TPMT: variants seen among roughly 807,000 people sequenced by gnomAD.
TPMT encodes the protein S-adenosyl-L-methionine:thiopurine S-methyltransferase.
TPMT carries 18 observed loss-of-function variants against 34.2 expected under a neutral mutation model. The observed-to-expected ratio is 0.53, with a 90% confidence interval of 0.36 to 0.78. The LOEUF (loss-of-function observed/expected upper bound fraction) is 0.78. Ranked by LOEUF, TPMT falls within the 30% of genes least tolerant of loss-of-function variation. The pLI is 0.00. For synonymous variants in TPMT, 69 were observed against 92.4 expected (o/e 0.75, Z 1.45); for missense variants, 265 against 288.1 (o/e 0.92, Z 0.58).
At chr6:18,142,941 G>A (rs899972835) in intron 4 of TPMT, among the ~76,000 whole-genome samples, 8 of 152,026 alleles carry the variant, frequency 5.3e-5, no homozygotes, top group African/African-American at 9.7e-5. Context: ...GATTCATGAT[G>A]TCTTTCCTGG....
Position 18,143,526 on chromosome 6 carries a change from C to G in TPMT, c.366+70G>C. On this transcript the variant is annotated intron_variant, in intron 4 of 8. Coordinates refer to ENST00000309983, the MANE Select transcript of TPMT (RefSeq NM_000367.5). The surrounding 1 kb of genome is among the most constrained non-coding windows in gnomAD (Gnocchi z 6.1). ...CCATCGGACACATGAATGGTATCCT[C>G]ATAATACTCACACTGAGAAAAACTT... 1 of 1,588,464 alleles carries G rather than the reference C, an allele frequency of 6.3e-7. No homozygotes were observed. Among genetic ancestry groups the G allele is most frequent in the East Asian group, 2.2e-5 (1 of 44,628 alleles).
chr6:18,149,471 GT>G lies in TPMT; in HGVS notation c.-44-301del, dbSNP rs538361641. ...ATGCCCAGCTAATCTTTCTTTCCTT[GT>G]TTTTTTTTTTTTCAGAGACAAGGTC... On this transcript the variant is annotated intron_variant, in intron 1 of 8. Coordinates refer to ENST00000309983, the MANE Select transcript of TPMT (RefSeq NM_000367.5). This position sits in a 1 kb window ranked among gnomAD's most constrained non-coding sequence, Gnocchi z 5.0. Among the ~76,000 whole-genome samples, 55 of 140,318 alleles carry G rather than the reference GT, an allele frequency of 3.9e-4. No homozygotes were observed. Among genetic ancestry groups the G allele is most frequent in the Non-Finnish European group, 4.7e-4 (30 of 64,158 alleles). 92.1% of individuals were successfully genotyped at this position (140,318 alleles called of 152,430 possible). A position where few individuals can be genotyped will look rare whatever the true frequency, so the allele number is the denominator to read the frequency against.
At position 18,138,007 on chromosome 6, in the gene TPMT, T is replaced by C. The variant is rs6929695; in HGVS notation, c.494+956A>G. Among the ~76,000 whole-genome samples, 117,645 of 151,946 alleles carry C rather than the reference T, an allele frequency of 0.77. 45,611 individuals are homozygous for C. The highest frequency in any genetic ancestry group is 0.8 in the East Asian group (4,107 of 5,124). ...GTTGGCCAGGCTGGTCTCGAACTCC[T>C]GACCTCAGGCGATCCGCCCACCTTG... On this transcript the variant is annotated intron_variant, in intron 6 of 8. Transcript: ENST00000309983. The surrounding 1 kb of genome is among the most constrained non-coding windows in gnomAD (Gnocchi z 4.1).
intron 6 of TPMT, 151 bp from the exon 7 acceptor site, chr6:18,134,040 TA>T (rs1223043622): frequency 2.5e-5 from 17 of 686,748 alleles, no homozygotes; most frequent in Middle Eastern, 8.0e-4. Flanking sequence ...ATTCTCATTT[TA>T]AAAGTGAGAA....
At position 18,154,346 on chromosome 6, in the gene TPMT, G is replaced by T. The variant is rs1784430836; in HGVS notation, c.-45+687C>A. Among the ~76,000 whole-genome samples, 1 of 152,144 alleles carries T rather than the reference G, an allele frequency of 6.6e-6. No individual in the cohort carries two copies. The highest frequency in any genetic ancestry group is 1.5e-5 in the Non-Finnish European group (1 of 68,026). On this transcript the variant is annotated intron_variant, in intron 1 of 8. Transcript: ENST00000309983. This position sits in a 1 kb window ranked among gnomAD's most constrained non-coding sequence, Gnocchi z 4.2. ...AGTCTCCATTCTCACCTTTTCAAAAGCTTCTGCTATAGTTTTGTTTTTAAA... is the reference window on the plus strand; with the variant it reads ...AGTCTCCATTCTCACCTTTTCAAAATCTTCTGCTATAGTTTTGTTTTTAAA...
rs1784301907 is a variant in TPMT at position 18,149,097 on chromosome 6, C to T, written c.31G>A (p.Glu11Lys). 6.2e-7 allele frequency: 1 copy of T among 1,614,106 alleles called. No homozygotes were observed. Among genetic ancestry groups the T allele is most frequent in the African/African-American group, 1.3e-5 (1 of 75,032 alleles). Residue 11 changes from glutamate to lysine, a missense_variant, in exon 2 of 9, where the codon GAA becomes AAA. Glu to Lys is a moderately conservative substitution (Grantham distance 56). Coordinates refer to ENST00000309983, the MANE Select transcript of TPMT (RefSeq NM_000367.5). This position sits in a 1 kb window ranked among gnomAD's most constrained non-coding sequence, Gnocchi z 5.0. Reference protein sequence around the residue: MDGTRTSLDIEEYSDTEVQKN... With the variant: MDGTRTSLDIKEYSDTEVQKN... ...TGTACCTCAGTATCCGAGTACTCTT[C>T]AATGTCAAGTGAAGTTCTTGTACCA...
rs114125544 is a variant in TPMT, at chr6:18,132,068, C to T, written c.625+65G>A. 2.1e-5 allele frequency: 33 copies of T among 1,566,920 alleles called. No homozygotes were observed. Among genetic ancestry groups the T allele is most frequent in the South Asian group, 7.8e-5 (7 of 90,094 alleles). On this transcript the variant is annotated intron_variant, in intron 8 of 8. Transcript: ENST00000309983. The surrounding 1 kb of genome is among the most constrained non-coding windows in gnomAD (Gnocchi z 4.8). ...CTGGAAATACAGGCATGAGCCAGCA[C>T]GCCAGGCCCAAAAGAGTTAACTTGA...
At chr6:18,151,397 G>C (rs1784351423) in intron 1 of TPMT, among the ~76,000 whole-genome samples, 2 of 151,122 alleles carry the variant, frequency 1.3e-5, no homozygotes, top group Non-Finnish European at 2.9e-5. Context: ...GAGCCTAGGA[G>C]TTCGAGGCTG....
rs1203797141 is a variant in TPMT, at chr6:18,153,564, TA to T, written c.-45+1468del. On this transcript the variant is annotated intron_variant, in intron 1 of 8. Coordinates refer to ENST00000309983, the MANE Select transcript of TPMT (RefSeq NM_000367.5). This position sits in a 1 kb window ranked among gnomAD's most constrained non-coding sequence, Gnocchi z 4.2. ...ATTTGGCCTCAGTATGCTTAGGATATAGGGAGGAGGCATTTCTCTCATTACC... is the reference window on the plus strand; with the variant it reads ...ATTTGGCCTCAGTATGCTTAGGATATGGGAGGAGGCATTTCTCTCATTACC... Among the ~76,000 whole-genome samples the T allele has an allele frequency of 1.3e-5, 2 of 152,158 alleles. No homozygotes were observed. The highest frequency in any genetic ancestry group is 4.8e-5 in the African/African-American group (2 of 41,432).
At position 18,147,860 on chromosome 6, in the gene TPMT, A is replaced by T. The variant is rs1236222449; in HGVS notation, c.196T>A (p.Phe66Ile). 5 of 1,613,988 alleles carry T rather than the reference A, an allele frequency of 3.1e-6. No individual in the cohort carries two copies. The highest frequency in any genetic ancestry group is 4.2e-6 in the Non-Finnish European group (5 of 1,179,942). Reference sequence around the variant, plus strand: ...ACCGCTTTTCCGCAAAGAGGAAAAAATACCCTCAGTCCACTCTTGCCTTTA... The same window carrying T: ...ACCGCTTTTCCGCAAAGAGGAAAAATTACCCTCAGTCCACTCTTGCCTTTA... ...FLKGKSGLRVFFPLCGKAVEM... is the reference protein window; with the variant it reads ...FLKGKSGLRVIFPLCGKAVEM... Residue 66 changes from phenylalanine (F) to isoleucine (I), a missense_variant, in exon 3 of 9, where the codon TTT becomes ATT. Phe to Ile is a conservative substitution (Grantham distance 21). Coordinates refer to ENST00000309983, the MANE Select transcript of TPMT (RefSeq NM_000367.5).
rs1784281480 is a variant in TPMT, at chr6:18,148,097, T to C, written c.141-182A>G. Among the ~76,000 whole-genome samples, 1 of 152,220 alleles carries C rather than the reference T, an allele frequency of 6.6e-6. No homozygotes were observed. Among genetic ancestry groups the C allele is most frequent in the Non-Finnish European group, 1.5e-5 (1 of 68,042 alleles). ...AGACACACACCCAGTCAGTGGTAAA[T>C]CTGACTTACACCCAGGGCTTTCCTG... On this transcript the variant is annotated intron_variant, in intron 2 of 8. Transcript: ENST00000309983. The surrounding 1 kb of genome is among the most constrained non-coding windows in gnomAD (Gnocchi z 4.1).
At position 18,136,979 on chromosome 6, in the gene TPMT, G is replaced by T. The variant is rs1290996474; in HGVS notation, c.494+1984C>A. Among the ~76,000 whole-genome samples, 3 of 152,042 alleles carry T rather than the reference G, an allele frequency of 2.0e-5. No homozygotes were observed. The highest frequency in any genetic ancestry group is 4.4e-5 in the Non-Finnish European group (3 of 68,004). ...GAGTTCTGGAAAAGAGATAAAGGAGGAGCAGTGAGAAAAAGAGGGAAACAG... is the reference window on the plus strand; with the variant it reads ...GAGTTCTGGAAAAGAGATAAAGGAGTAGCAGTGAGAAAAAGAGGGAAACAG... On this transcript the variant is annotated intron_variant, in intron 6 of 8. Transcript: ENST00000309983. This position sits in a 1 kb window ranked among gnomAD's most constrained non-coding sequence, Gnocchi z 4.7.
rs551851581 is a variant in TPMT at position 18,132,993 on chromosome 6, T to TG, written c.580+810dup. On this transcript the variant is annotated intron_variant, in intron 7 of 8. Transcript: ENST00000309983. This position sits in a 1 kb window ranked among gnomAD's most constrained non-coding sequence, Gnocchi z 4.8. ...CTGTAATCCCAGCTACTTGGGAGGC[T>TG]GAGGCAGGAGAATCACTTGAACCCG... Among the ~76,000 whole-genome samples, 465 of 152,188 alleles carry TG rather than the reference T, an allele frequency of 3.1e-3. 6 individuals are homozygous for TG. The highest frequency in any genetic ancestry group is 1.0e-2 in the African/African-American group (414 of 41,526).
intron 4 of TPMT, among the ~76,000 whole-genome samples, chr6:18,142,544 ACTC>A (rs1784163725): frequency 1.3e-5 from 2 of 150,914 alleles, no homozygotes; most frequent in South Asian, 4.2e-4. Flanking sequence ...AAGCTTCCCC[ACTC>A]CTCTGCCTGC....
rs55698609 is a variant in TPMT, at chr6:18,139,219, T to A, written c.420-182A>T. ...TGGAGAGCTGTCCATCCCCTCATGG[T>A]TTTAGGAGCCTGTGGCAGCAGCCTC... On this transcript the variant is annotated intron_variant, in intron 5 of 8. Transcript: ENST00000309983. The surrounding 1 kb of genome is among the most constrained non-coding windows in gnomAD (Gnocchi z 4.2). Among the ~76,000 whole-genome samples, 428 of 152,228 alleles carry A rather than the reference T, an allele frequency of 2.8e-3. 17 individuals are homozygous for A. In the East Asian group the frequency reaches 0.073, roughly 26 times the overall value.
rs1415913340 is a variant in TPMT, at chr6:18,130,590, A to G, written c.*78T>C. 3.0e-6 allele frequency: 3 copies of G among 990,810 alleles called. No individual in the cohort carries two copies. The Admixed American group carries it at 5.7e-5, about 19-fold the overall frequency. The allele number at this position is 990,810 out of a possible 1,614,324, so 61.4% of individuals were successfully genotyped here. On this transcript the variant is annotated 3_prime_UTR_variant, in exon 9 of 9. Transcript: ENST00000309983. This position sits in a 1 kb window ranked among gnomAD's most constrained non-coding sequence, Gnocchi z 4.2. ...TATAAACAATTTTAAAAATTCATCCATTACATTTTCAGGCTTTAGCATAAT... is the reference window on the plus strand; with the variant it reads ...TATAAACAATTTTAAAAATTCATCCGTTACATTTTCAGGCTTTAGCATAAT...
Position 18,130,094 on chromosome 6 carries a change from ACC to A in TPMT, c.*572_*573del, listed in dbSNP as rs1306564465. 1 of 153,366 alleles carries A rather than the reference ACC, an allele frequency of 6.5e-6. No homozygotes were observed. Among genetic ancestry groups the A allele is most frequent in the African/African-American group, 2.4e-5 (1 of 41,366 alleles). 9.5% of individuals were successfully genotyped at this position (153,366 alleles called of 1,614,324 possible). ...AGGTCAGGAGCTCGAGATCAGCCTGACCAACATGGTGAAACCCTGTCTCTACT... is the reference window on the plus strand; with the variant it reads ...AGGTCAGGAGCTCGAGATCAGCCTGAAACATGGTGAAACCCTGTCTCTACT... On this transcript the variant is annotated 3_prime_UTR_variant, in exon 9 of 9. Transcript: ENST00000309983. The surrounding 1 kb of genome is among the most constrained non-coding windows in gnomAD (Gnocchi z 4.2).
In TPMT at chr6:18,138,606, T is replaced by G. The variant is rs1166241781; in HGVS notation, c.494+357A>C. The stretch of plus-strand genomic sequence containing the variant: ...TTGAACAATACCTGGAATAGGCAAG[T>G]GACCAGTAAGTATTACCTGGTAATA... On this transcript the variant is annotated intron_variant, in intron 6 of 8. Coordinates refer to ENST00000309983, the MANE Select transcript of TPMT (RefSeq NM_000367.5). The surrounding 1 kb of genome is among the most constrained non-coding windows in gnomAD (Gnocchi z 4.1). Among the ~76,000 whole-genome samples, 3 of 152,182 alleles carry G rather than the reference T, an allele frequency of 2.0e-5. No individual in the cohort carries two copies. Among genetic ancestry groups the G allele is most frequent in the Non-Finnish European group, 4.4e-5 (3 of 68,034 alleles).
rs1252914000 is a variant in TPMT, at chr6:18,132,428, G to A, written c.581-251C>T. On this transcript the variant is annotated intron_variant, in intron 7 of 8. Coordinates refer to ENST00000309983, the MANE Select transcript of TPMT (RefSeq NM_000367.5). The surrounding 1 kb of genome is among the most constrained non-coding windows in gnomAD (Gnocchi z 4.8). ...GACTTAGGCTCATTGAAATCAGAGT[G>A]GATTCCATCAGCAGATTCCTTGGGG... Among the ~76,000 whole-genome samples the A allele has an allele frequency of 6.6e-6, 1 of 152,088 alleles. No individual in the cohort carries two copies. The highest frequency in any genetic ancestry group is 1.5e-5 in the Non-Finnish European group (1 of 68,020).
Sources: allele counts gnomAD v4.1 joint callset (sites outside exome capture counted in the v4.1 genomes callset), GRCh38; gene constraint gnomAD v4.1.1; non-coding constraint Gnocchi (gnomAD v3.1); transcripts MANE v1.5; gene names NCBI Gene and HGNC (gene_info 2026-07-23, HGNC 2026-07-21).